The following DPYD variants were observed in gnomAD, a reference collection of about 807,000 sequenced individuals.
DPYD encodes dihydropyrimidine dehydrogenase.
A neutral mutation model predicts 116.2 loss-of-function variants in DPYD; 109 were observed. The observed-to-expected ratio is 0.94, with a 90% CI of 0.80 to 1.10. The LOEUF is 1.10. Among genes scored for constraint, DPYD ranks in the 50% least tolerant of loss-of-function variants. The pLI is 0.00. For synonymous variants in DPYD, 440 were observed against 432.0 expected, an observed-to-expected ratio of 1.02 and a Z score of -0.23; for missense variants, 1,302 against 1,254.5, an observed-to-expected ratio of 1.04 and a Z score of -0.57.
intron 3 of DPYD, among the ~76,000 whole-genome samples, chr1:97,761,071 C>T (rs1557940652): frequency 1.3e-5 from 2 of 152,100 alleles, no homozygotes; most frequent in African/African-American, 4.8e-5. Context: ...AACATCAACA[C>T]AATTATCAAT....
intron 14 of DPYD, among the ~76,000 whole-genome samples, chr1:97,423,536 C>G (rs1302192005): frequency 6.6e-6 from 1 of 151,948 alleles, no homozygotes; most frequent in Non-Finnish European, 1.5e-5. Context: ...GACATAGTAC[C>G]CTGGTGACCC....
chr1:97,898,781 T>A (rs916241991), intron 1 of DPYD, among the ~76,000 whole-genome samples: 3 of 151,890 alleles, frequency 2.0e-5, no homozygotes, highest in Non-Finnish European at 4.4e-5. Context: ...AGTGAATACG[T>A]CTCATGAGAT....
At chr1:97,796,518 C>G (rs1007589978) in intron 3 of DPYD, among the ~76,000 whole-genome samples, 1 of 151,956 alleles carries the variant, frequency 6.6e-6, no homozygotes, top group Non-Finnish European at 1.5e-5. Flanking sequence ...ATATGAGATG[C>G]CTTCACCCCA....
rs56819543 is a variant in DPYD at position 97,203,793 on chromosome 1, C to CAAA, written c.2443-10548_2443-10546dup. 1.1e-3 allele frequency among the ~76,000 whole-genome samples: 74 copies of CAAA among 65,688 alleles called. 1 individual carries two copies. The highest frequency in any genetic ancestry group is 1.3e-3 in the Non-Finnish European group (47 of 35,174). 43.1% of individuals were successfully genotyped at this position (65,688 alleles called of 152,430 possible). On this transcript the variant is annotated intron_variant, in intron 19 of 22. Coordinates refer to ENST00000370192, the MANE Select transcript of DPYD (RefSeq NM_000110.4). Reference sequence around the variant, plus strand: ...AATAACTAAGCAGACATTCACATTCCAAAAAAAAAAAAAAAAAAAAAAAAA... The same window carrying CAAA: ...AATAACTAAGCAGACATTCACATTCCAAAAAAAAAAAAAAAAAAAAAAAAAAAA...
At chr1:97,770,592 G>A (rs547913617) in intron 3 of DPYD, among the ~76,000 whole-genome samples, 3 of 152,082 alleles carry the variant, frequency 2.0e-5, no homozygotes, top group Non-Finnish European at 4.4e-5. Context: ...TTTTCAAACT[G>A]TTTTGAGTAG....
At chr1:97,167,820 T>C (rs1006692593) in intron 20 of DPYD, among the ~76,000 whole-genome samples, 2 of 152,166 alleles carry the variant, frequency 1.3e-5, no homozygotes, top group Admixed American at 6.6e-5. Flanking sequence ...AGCATAAAGG[T>C]ATATTATAGC....
intron 15 of DPYD, among the ~76,000 whole-genome samples, chr1:97,380,960 G>C (rs1224242333): frequency 6.6e-6 from 1 of 152,124 alleles, no homozygotes; most frequent in Admixed American, 6.6e-5. Context: ...AGGCCTGCGG[G>C]ATACTTCCTT....
At chr1:97,253,799 A>G (rs574800526) in intron 18 of DPYD, among the ~76,000 whole-genome samples, 2 of 152,242 alleles carry the variant, frequency 1.3e-5, no homozygotes, top group Middle Eastern at 3.4e-3. Flanking sequence ...TTTATTTTTA[A>G]AAGTTTCCCC....
At chr1:97,112,253 C>G (rs1651652828) in intron 20 of DPYD, among the ~76,000 whole-genome samples, 1 of 152,052 alleles carries the variant, frequency 6.6e-6, no homozygotes, top group South Asian at 2.1e-4. Flanking sequence ...ATTTCTCCAG[C>G]ATTTATAAGG....
At chr1:97,199,759 A>C (rs1469200182) in intron 19 of DPYD, among the ~76,000 whole-genome samples, 1 of 152,086 alleles carries the variant, frequency 6.6e-6, no homozygotes, top group Non-Finnish European at 1.5e-5. Flanking sequence ...CCTCCTTTAC[A>C]TCTGAAAAAG....
intron 13 of DPYD, among the ~76,000 whole-genome samples, chr1:97,494,123 C>G (rs1679121326): frequency 2.0e-5 from 3 of 152,162 alleles, no homozygotes; most frequent in Admixed American, 6.5e-5. Flanking sequence ...TACACAATAA[C>G]TACCCAATGC....
At chr1:97,298,334 CTG>C (rs1666655227) in intron 18 of DPYD, among the ~76,000 whole-genome samples, 1 of 152,048 alleles carries the variant, frequency 6.6e-6, no homozygotes, top group Non-Finnish European at 1.5e-5. Flanking sequence ...GTCCAGCAAT[CTG>C]TGTCACAACA....
chr1:97,750,288 T>G (rs1664797447), intron 3 of DPYD, among the ~76,000 whole-genome samples: 1 of 151,988 alleles, frequency 6.6e-6, no homozygotes, highest in Non-Finnish European at 1.5e-5. Context: ...AAATAAAAAT[T>G]TTTAAAAAAG....
chr1:97,762,022 G>A (rs535223224), intron 3 of DPYD, among the ~76,000 whole-genome samples: 6 of 152,244 alleles, frequency 3.9e-5, no homozygotes, highest in African/African-American at 1.4e-4. Context: ...GACAGTGGGA[G>A]GAGGGTGAGG....
intron 2 of DPYD, among the ~76,000 whole-genome samples, chr1:97,828,941 A>G (rs987510434): frequency 2.6e-5 from 4 of 151,914 alleles, no homozygotes; most frequent in Non-Finnish European, 5.9e-5. Context: ...AAGTACTTTA[A>G]AAAATTTTTA....
intron 8 of DPYD, among the ~76,000 whole-genome samples, chr1:97,662,133 T>C (rs1659301878): frequency 6.6e-6 from 1 of 151,218 alleles, no homozygotes; most frequent in Non-Finnish European, 1.5e-5. Flanking sequence ...CCCTAGTAGC[T>C]GGGACTACAG....
intron 3 of DPYD, among the ~76,000 whole-genome samples, chr1:97,812,218 C>T (rs1033861798): frequency 1.3e-5 from 2 of 152,130 alleles, no homozygotes; most frequent in Non-Finnish European, 2.9e-5. Flanking sequence ...CCCCTAGGCA[C>T]TAAGCTTTGA....
At chr1:97,869,871 T>G (rs1671573000) in intron 2 of DPYD, among the ~76,000 whole-genome samples, 1 of 151,798 alleles carries the variant, frequency 6.6e-6, no homozygotes, top group African/African-American at 2.4e-5. Context: ...CATGTGAAGG[T>G]CTTGTGCACA....
intron 3 of DPYD, among the ~76,000 whole-genome samples, chr1:97,813,951 CA>C (rs1557981497): frequency 2.0e-4 from 30 of 151,300 alleles, no homozygotes; most frequent in African/African-American, 5.1e-4. Context: ...CACACACACA[CA>C]CACCCCTAAA....
Sources: allele counts gnomAD v4.1 joint callset (sites outside exome capture counted in the v4.1 genomes callset), GRCh38; gene constraint gnomAD v4.1.1; transcripts MANE v1.5; gene names NCBI Gene and HGNC (gene_info 2026-07-23, HGNC 2026-07-21).